TMEM131L: variants seen among roughly 807,000 people sequenced by gnomAD.
The protein encoded by TMEM131L is transmembrane 131 like, also known as transmembrane protein 131-like.
A neutral mutation model predicts 192.2 loss-of-function variants in TMEM131L; 54 were observed. That is an observed-to-expected ratio of 0.28 (90% confidence interval 0.23 to 0.35). TMEM131L has a LOEUF of 0.35. TMEM131L is among the 10% of genes least tolerant of loss of function. The pLI is 1.00. For missense variants in TMEM131L, 1,888 were observed against 1,972.9 expected (o/e 0.96, Z 0.82); for synonymous variants, 701 against 704.9 (o/e 0.99, Z 0.09).
Position 153,507,517 on chromosome 4 carries a change from G to A in TMEM131L, c.239+33629G>A, listed in dbSNP as rs140232506. ...ATGGCTTCCAAGAGTCTGGAACATC[G>A]TGTTCACATTTGTATTATTCTCCAC... On this transcript the variant is annotated intron_variant, in intron 3 of 34. Coordinates refer to ENST00000409959, the MANE Select transcript of TMEM131L (RefSeq NM_001131007.2). Among the ~76,000 whole-genome samples, 614 of 152,236 alleles carry A rather than the reference G, an allele frequency of 4.0e-3. 6 individuals carry two copies. Among genetic ancestry groups the A allele is most frequent in the African/African-American group, 0.014 (594 of 41,524 alleles).
chr4:153,614,696 CATT>C (rs1732856390), intron 26 of TMEM131L, among the ~76,000 whole-genome samples: 1 of 137,860 alleles, frequency 7.3e-6, no homozygotes, highest in South Asian at 2.3e-4. Context: ...GAATATAAGA[CATT>C]ATTGGAAGAT....
At chr4:153,577,725 G>A (rs140936856) in intron 7 of TMEM131L, among the ~76,000 whole-genome samples, 42 of 152,292 alleles carry the variant, frequency 2.8e-4, no homozygotes, top group African/African-American at 9.9e-4. Context: ...CTTGGTTATG[G>A]ATTTGTTTGA....
chr4:153,517,230 T>C (rs1734797710), intron 3 of TMEM131L, among the ~76,000 whole-genome samples: 1 of 152,220 alleles, frequency 6.6e-6, no homozygotes. Flanking sequence ...TTCCTTTGTT[T>C]CCACCATTGG....
intron 3 of TMEM131L, among the ~76,000 whole-genome samples, chr4:153,527,301 C>G (rs2150198831): frequency 6.6e-6 from 1 of 151,748 alleles, no homozygotes; most frequent in South Asian, 2.1e-4. Context: ...GTGATGAGGT[C>G]TCATTCTGTT....
At chr4:153,605,644 T>G (rs947937874) in intron 25 of TMEM131L, among the ~76,000 whole-genome samples, 1 of 152,242 alleles carries the variant, frequency 6.6e-6, no homozygotes, top group African/African-American at 2.4e-5. Flanking sequence ...CGTGAGCCAC[T>G]GCTCCCAGCC....
intron 21 of TMEM131L, among the ~76,000 whole-genome samples, chr4:153,599,328 T>C (rs1561229400): frequency 2.0e-5 from 3 of 152,120 alleles, no homozygotes; most frequent in African/African-American, 2.4e-5. Flanking sequence ...CCATGATCCA[T>C]TGACCTCCCA....
chr4:153,634,967 A>G (rs1303797813), intron 33 of TMEM131L, among the ~76,000 whole-genome samples: 8 of 152,272 alleles, frequency 5.3e-5, no homozygotes, highest in Middle Eastern at 3.4e-3. Context: ...TGGGAATGTT[A>G]TGATTGTGAG....
intron 3 of TMEM131L, among the ~76,000 whole-genome samples, chr4:153,543,309 A>G (rs1424061918): frequency 1.3e-5 from 2 of 151,792 alleles, no homozygotes; most frequent in African/African-American, 4.8e-5. Flanking sequence ...TGTGTCTTTT[A>G]TGTTTTTTCC....
chr4:153,615,179 C>T lies in TMEM131L; in HGVS notation c.3567+2779C>T, dbSNP rs147327245. 4.5e-3 allele frequency among the ~76,000 whole-genome samples: 679 copies of T among 152,304 alleles called. 4 individuals are homozygous for T. The highest frequency in any genetic ancestry group is 4.6e-3 in the Non-Finnish European group (313 of 68,016). On this transcript the variant is annotated intron_variant, in intron 26 of 34. Coordinates refer to ENST00000409959, the MANE Select transcript of TMEM131L (RefSeq NM_001131007.2). ...GCAAAATAAGGATGATAATTGTATA[C>T]CTACCTCAAAGAGTTGTGAAGATTA...
intron 26 of TMEM131L, among the ~76,000 whole-genome samples, chr4:153,617,972 A>G (rs1338625633): frequency 6.6e-6 from 1 of 151,998 alleles, no homozygotes; most frequent in East Asian, 1.9e-4. Context: ...TCTGTGTTAA[A>G]GATATCAACT....
intron 3 of TMEM131L, among the ~76,000 whole-genome samples, chr4:153,504,902 G>A: frequency 6.6e-6 from 1 of 152,184 alleles, no homozygotes. Context: ...AGAGTGACCA[G>A]CCTTGCTGAG....
At chr4:153,632,939 A>C in intron 32 of TMEM131L, 101 bp downstream of exon 32, 1 of 1,400,648 alleles carries the variant, frequency 7.1e-7, no homozygotes, top group Non-Finnish European at 9.9e-7. Flanking sequence ...AATGAAGGCT[A>C]GGCTTCTTCC....
intron 3 of TMEM131L, among the ~76,000 whole-genome samples, chr4:153,475,313 C>G (rs1182983803): frequency 6.6e-6 from 1 of 151,962 alleles, no homozygotes. Flanking sequence ...AATGATGGCT[C>G]ACTGTGTGAT....
chr4:153,549,800 G>T (rs563948532), intron 3 of TMEM131L, among the ~76,000 whole-genome samples: 1 of 152,254 alleles, frequency 6.6e-6, no homozygotes, highest in East Asian at 1.9e-4. Flanking sequence ...AGAAATGAAG[G>T]CTATTACAAA....
At chr4:153,493,457 G>A (rs543084987) in intron 3 of TMEM131L, among the ~76,000 whole-genome samples, 2 of 151,680 alleles carry the variant, frequency 1.3e-5, no homozygotes, top group East Asian at 1.9e-4. Context: ...TCAGGAGTTC[G>A]AGACCAGCCT....
At position 153,555,891 on chromosome 4, in the gene TMEM131L, T is replaced by C; in HGVS notation, c.413T>C (p.Val138Ala). 1 of 1,551,576 alleles carries C rather than the reference T, an allele frequency of 6.4e-7. No individual in the cohort carries two copies. Among genetic ancestry groups the C allele is most frequent in the East Asian group, 2.4e-5 (1 of 40,922 alleles). ...SVFAAAGHFH[V>A]PPVPCRVIPA... ...TTTGCAGCTGCTGGACATTTCCATG[T>C]ACCGCCAGTTCCCTGCAGGGTGGGT... is the stretch of plus-strand genomic sequence containing the variant. The change falls in exon 5 of 35, where the codon GTA (valine) becomes GCA (alanine). Residue 138 changes from valine (V) to alanine (A), a missense_variant. Val to Ala is a moderately conservative substitution (Grantham distance 64, BLOSUM62 0). Coordinates refer to ENST00000409959, the MANE Select transcript of TMEM131L (RefSeq NM_001131007.2). This position sits in a 1 kb window ranked among gnomAD's most constrained non-coding sequence, Gnocchi z 4.1.
At chr4:153,621,941 AT>A in intron 28 of TMEM131L, 92 bp downstream of exon 28, 1 of 1,237,624 alleles carries the variant, frequency 8.1e-7, no homozygotes, top group Non-Finnish European at 1.1e-6. Context: ...CACCTCAGTG[AT>A]TTTATCTCTA....
chr4:153,589,707 G>A (rs540371018), intron 16 of TMEM131L, among the ~76,000 whole-genome samples: 3 of 152,314 alleles, frequency 2.0e-5, no homozygotes, highest in East Asian at 1.9e-4. Flanking sequence ...TCTAGTGATC[G>A]ATACTTCTCT....
chr4:153,588,785 A>G, intron 15 of TMEM131L, 105 bp from the exon 16 acceptor site: 1 of 656,190 alleles, frequency 1.5e-6, no homozygotes, highest in Non-Finnish European at 2.7e-6. Context: ...TATTAACTCT[A>G]CAGTCCTCTC....
Sources: allele counts gnomAD v4.1 joint callset (sites outside exome capture counted in the v4.1 genomes callset), GRCh38; gene constraint gnomAD v4.1.1; non-coding constraint Gnocchi (gnomAD v3.1); transcripts MANE v1.5; gene names NCBI Gene and HGNC (gene_info 2026-07-23, HGNC 2026-07-21).